MKLN1: variants seen among roughly 807,000 people sequenced by gnomAD.
MKLN1 encodes the protein muskelin 1.
Under a neutral mutation model 99.0 loss-of-function variants are expected in MKLN1, and 18 were observed. The observed-to-expected ratio is 0.18, with a 90% CI of 0.13 to 0.27. MKLN1 has a LOEUF of 0.27. Ranked by LOEUF, MKLN1 falls within the 10% of genes least tolerant of loss-of-function variation. MKLN1 has a pLI of 1.00. For missense variants in MKLN1, 621 were observed against 875.9 expected (o/e 0.71, Z 3.67); for synonymous variants, 288 against 293.2 (o/e 0.98, Z 0.18).
chr7:131,179,704 A>C (rs1232593610), intron 2 of MKLN1, among the ~76,000 whole-genome samples: 1 of 151,132 alleles, frequency 6.6e-6, no homozygotes, highest in Non-Finnish European at 1.5e-5. Context: ...CCTCCCGAGT[A>C]GCTGGGACTA....
At chr7:131,158,378 G>A (rs778428914) in intron 2 of MKLN1, among the ~76,000 whole-genome samples, 3 of 152,182 alleles carry the variant, frequency 2.0e-5, no homozygotes, top group African/African-American at 7.2e-5. Flanking sequence ...ATGTTGCAGT[G>A]AGCTGAGGTC....
intron 2 of MKLN1, among the ~76,000 whole-genome samples, chr7:131,165,798 A>G (rs1796114484): frequency 6.6e-6 from 1 of 152,152 alleles, no homozygotes; most frequent in Non-Finnish European, 1.5e-5. Context: ...GCAGAAAGGT[A>G]GAAGGCCGGG....
chr7:131,244,749 CCT>C (rs746125263), intron 3 of MKLN1, among the ~76,000 whole-genome samples: 23 of 152,228 alleles, frequency 1.5e-4, no homozygotes, highest in South Asian at 1.2e-3. Flanking sequence ...GGCATGTCCC[CCT>C]GTGTTGGCAC....
At chr7:131,182,064 G>A (rs776860403) in intron 2 of MKLN1, among the ~76,000 whole-genome samples, 18 of 152,214 alleles carry the variant, frequency 1.2e-4, no homozygotes, top group Middle Eastern at 3.4e-3. Context: ...AACCCGGGAC[G>A]GGGAGGCTGC....
chr7:131,227,917 C>T (rs199521844), intron 3 of MKLN1, among the ~76,000 whole-genome samples: 3 of 152,124 alleles, frequency 2.0e-5, no homozygotes, highest in Admixed American at 1.3e-4. Context: ...GTGGCAGCTT[C>T]CTGCATTCCA....
intron 3 of MKLN1, among the ~76,000 whole-genome samples, chr7:131,301,881 C>T (rs1798381383): frequency 6.6e-6 from 1 of 152,182 alleles, no homozygotes; most frequent in African/African-American, 2.4e-5. Context: ...AGCTATCCCA[C>T]CAGCCCCATC....
intron 2 of MKLN1, among the ~76,000 whole-genome samples, chr7:131,181,325 TA>T (rs1796374276): frequency 6.6e-6 from 1 of 152,236 alleles, no homozygotes; most frequent in Non-Finnish European, 1.5e-5. Context: ...GAAAACTATA[TA>T]TGCATAAACA....
chr7:131,478,918 C>T, intron 17 of MKLN1: 1 of 542,174 alleles, frequency 1.8e-6, no homozygotes, highest in Non-Finnish European at 3.3e-6. Context: ...AAACAGATAG[C>T]AATAGAAACA....
intron 2 of MKLN1, among the ~76,000 whole-genome samples, chr7:131,177,323 C>T (rs1006262988): frequency 6.6e-6 from 1 of 151,972 alleles, no homozygotes; most frequent in African/African-American, 2.4e-5. Context: ...AAAAAATTAG[C>T]CAGACGTGGT....
chr7:131,276,029 G>A (rs889468614), intron 3 of MKLN1, among the ~76,000 whole-genome samples: 3 of 152,188 alleles, frequency 2.0e-5, no homozygotes, highest in African/African-American at 7.2e-5. Context: ...GGGAAGAAGG[G>A]AGGTGCTAGA....
intron 1 of MKLN1, among the ~76,000 whole-genome samples, chr7:131,115,520 A>G (rs574612559): frequency 2.0e-5 from 3 of 152,182 alleles, no homozygotes; most frequent in Non-Finnish European, 1.5e-5. Context: ...TTCATAAATC[A>G]TAAGTCTTAA....
chr7:131,386,088 A>G (rs1794009947), intron 2 of MKLN1, among the ~76,000 whole-genome samples: 1 of 148,400 alleles, frequency 6.7e-6, no homozygotes, highest in African/African-American at 2.5e-5. Flanking sequence ...ATCTTGGCTC[A>G]CTGCAACCTC....
At chr7:131,375,837 T>G (rs1046033910) in intron 2 of MKLN1, among the ~76,000 whole-genome samples, 2 of 150,102 alleles carry the variant, frequency 1.3e-5, no homozygotes, top group African/African-American at 4.9e-5. Context: ...TATTTTATTA[T>G]AATATTATTA....
chr7:131,328,009 G>C lies in MKLN1; in HGVS notation c.98+12G>C. The C allele has an allele frequency of 6.2e-7, 1 of 1,613,578 alleles. No homozygotes were observed. The highest frequency in any genetic ancestry group is 8.5e-7 in the Non-Finnish European group (1 of 1,179,752). ...ACCTACCTTCCCGAGTAAGTGCCGGGCCTTGAGCTCGTGCTGCCCCACCCT... is the reference window on the plus strand; with the variant it reads ...ACCTACCTTCCCGAGTAAGTGCCGGCCCTTGAGCTCGTGCTGCCCCACCCT... On this transcript the variant is annotated intron_variant, in intron 1 of 17. Transcript: ENST00000352689.
At chr7:131,166,635 G>A (rs530569755) in intron 2 of MKLN1, among the ~76,000 whole-genome samples, 14 of 152,152 alleles carry the variant, frequency 9.2e-5, no homozygotes, top group African/African-American at 2.2e-4. Context: ...CTCTTTCCTC[G>A]GGCAGTTCTT....
chr7:131,161,957 GTGTGTGTATATATATATATA>G (rs1563236139), intron 2 of MKLN1, among the ~76,000 whole-genome samples: 18 of 68,358 alleles, frequency 2.6e-4, no homozygotes, highest in African/African-American at 1.0e-3. Flanking sequence ...ATACGTGTGT[GTGTGTGTATATATATATATA>G]TATATATATA....
At chr7:131,404,214 T>G (rs193153261) in intron 6 of MKLN1, among the ~76,000 whole-genome samples, 2 of 152,340 alleles carry the variant, frequency 1.3e-5, no homozygotes, top group Non-Finnish European at 2.9e-5. Flanking sequence ...GTTTGGGTAC[T>G]TCCAGTCTTA....
At chr7:131,229,494 C>T (rs1484995171) in intron 3 of MKLN1, among the ~76,000 whole-genome samples, 1 of 152,098 alleles carries the variant, frequency 6.6e-6, no homozygotes, top group African/African-American at 2.4e-5. Flanking sequence ...TCCTATATCA[C>T]AGCCCTCTGA....
chr7:131,123,829 G>A (rs928108920), intron 1 of MKLN1, among the ~76,000 whole-genome samples: 6 of 152,062 alleles, frequency 3.9e-5, no homozygotes, highest in Admixed American at 3.9e-4. Context: ...TACAGTACTG[G>A]GTATTATGGA....
Sources: allele counts gnomAD v4.1 joint callset (sites outside exome capture counted in the v4.1 genomes callset), GRCh38; gene constraint gnomAD v4.1.1; transcripts MANE v1.5; gene names NCBI Gene and HGNC (gene_info 2026-07-23, HGNC 2026-07-21).